Variants in OPCML observed in about 807,000 individuals in gnomAD.
The protein encoded by OPCML is opioid binding protein/cell adhesion molecule like, also known as opioid-binding protein/cell adhesion molecule.
OPCML carries 13 observed loss-of-function variants against 37.8 expected under a neutral mutation model. That is an observed-to-expected ratio of 0.34 (90% CI 0.22 to 0.55). The LOEUF (loss-of-function observed/expected upper bound fraction) is 0.55. Ranked by LOEUF, OPCML falls within the 20% of genes least tolerant of loss-of-function variation. The pLI, the probability that OPCML is intolerant of heterozygous loss-of-function variation, is 0.91. For synonymous variants in OPCML, 176 were observed against 168.8 expected, an observed-to-expected ratio of 1.04 and a Z score of -0.33; for missense variants, 341 against 435.6, an observed-to-expected ratio of 0.78 and a Z score of 1.93.
chr11:132,726,409 C>A (rs1944886702), intron 2 of OPCML, among the ~76,000 whole-genome samples: 1 of 152,074 alleles, frequency 6.6e-6, no homozygotes, highest in Non-Finnish European at 1.5e-5. Context: ...ATGGGAAAGA[C>A]CTGATCCCAT....
At chr11:133,020,862 T>G (rs866587492) in intron 1 of OPCML, among the ~76,000 whole-genome samples, 4 of 152,188 alleles carry the variant, frequency 2.6e-5, no homozygotes, top group African/African-American at 9.6e-5. Flanking sequence ...TTTTTTTCTA[T>G]GTTTTTTGGA....
intron 2 of OPCML, among the ~76,000 whole-genome samples, chr11:132,846,901 C>T (rs1941564247): frequency 6.6e-6 from 1 of 152,130 alleles, no homozygotes; most frequent in South Asian, 2.1e-4. Context: ...TTGAGATCCA[C>T]ATGATAAACT....
At chr11:132,980,877 C>T (rs1457387310) in intron 1 of OPCML, among the ~76,000 whole-genome samples, 7 of 152,180 alleles carry the variant, frequency 4.6e-5, no homozygotes, top group East Asian at 1.9e-4. Flanking sequence ...CATACAGTCC[C>T]GTGTCACTTA....
chr11:133,185,166 C>T (rs1158923466), intron 1 of OPCML, among the ~76,000 whole-genome samples: 4 of 152,188 alleles, frequency 2.6e-5, no homozygotes, highest in Non-Finnish European at 5.9e-5. Context: ...GTCAATCTAT[C>T]AATCACTGTA....
At chr11:132,534,375 C>T (rs750258135) in intron 3 of OPCML, among the ~76,000 whole-genome samples, 6 of 152,186 alleles carry the variant, frequency 3.9e-5, no homozygotes, top group Non-Finnish European at 8.8e-5. Context: ...CACTACACTC[C>T]CAGTAATTAG....
At chr11:133,267,447 C>T (rs1941694933) in intron 1 of OPCML, among the ~76,000 whole-genome samples, 1 of 152,156 alleles carries the variant, frequency 6.6e-6, no homozygotes, top group African/African-American at 2.4e-5. Context: ...CCTTGCATAT[C>T]TACTGTGAAG....
intron 2 of OPCML, among the ~76,000 whole-genome samples, chr11:132,723,564 T>A (rs969843339): frequency 6.6e-6 from 1 of 152,166 alleles, no homozygotes; most frequent in Non-Finnish European, 1.5e-5. Context: ...GATTTTTTTT[T>A]AATGAAACGT....
intron 1 of OPCML, among the ~76,000 whole-genome samples, chr11:133,028,210 T>A (rs945487044): frequency 2.6e-5 from 4 of 151,990 alleles, no homozygotes; most frequent in African/African-American, 4.8e-5. Context: ...GAGTCTAATT[T>A]CTCAGAATTG....
intron 1 of OPCML, among the ~76,000 whole-genome samples, chr11:133,036,819 G>A (rs1163827314): frequency 6.6e-6 from 1 of 152,176 alleles, no homozygotes; most frequent in Non-Finnish European, 1.5e-5. Flanking sequence ...GAATGGGAGG[G>A]CAGCCTGGTT....
chr11:133,051,058 T>TACAC (rs113538759), intron 1 of OPCML, among the ~76,000 whole-genome samples: 3,116 of 148,034 alleles, frequency 0.021, 68 homozygotes, highest in African/African-American at 0.049. Flanking sequence ...TGTGTGTACA[T>TACAC]ACACACACAC....
chr11:133,311,248 A>AT (rs1204416842), intron 1 of OPCML, among the ~76,000 whole-genome samples: 3 of 152,172 alleles, frequency 2.0e-5, no homozygotes, highest in African/African-American at 7.2e-5. Flanking sequence ...ATTTTCCTTG[A>AT]AGCTCTTCTA....
chr11:132,552,494 ATTGT>A (rs1250134751), intron 3 of OPCML, among the ~76,000 whole-genome samples: 1 of 151,982 alleles, frequency 6.6e-6, no homozygotes, highest in Non-Finnish European at 1.5e-5. Flanking sequence ...TTCTGTTGTT[ATTGT>A]TTGTTTGTTT....
intron 2 of OPCML, among the ~76,000 whole-genome samples, chr11:132,775,211 G>A (rs934810213): frequency 1.3e-5 from 2 of 152,200 alleles, no homozygotes; most frequent in African/African-American, 4.8e-5. Context: ...GACTATGGTA[G>A]CTGGAGCATA....
Position 133,040,013 on chromosome 11 carries a change from C to T in OPCML, c.62-97003G>A, listed in dbSNP as rs59680751. On this transcript the variant is annotated intron_variant, in intron 1 of 7. Transcript: ENST00000524381. Reference sequence around the variant, plus strand: ...CACTGCACTACAGCCTGAGTGACAGCACGAGACTCCATCTCAAAAAAAAAA... The same window carrying T: ...CACTGCACTACAGCCTGAGTGACAGTACGAGACTCCATCTCAAAAAAAAAA... 3.3e-3 allele frequency among the ~76,000 whole-genome samples: 494 copies of T among 151,468 alleles called. 4 individuals carry two copies. The highest frequency in any genetic ancestry group is 0.011 in the African/African-American group (473 of 41,224).
chr11:132,585,630 T>G (rs1046493089), intron 3 of OPCML, among the ~76,000 whole-genome samples: 3 of 152,148 alleles, frequency 2.0e-5, no homozygotes, highest in Non-Finnish European at 2.9e-5. Flanking sequence ...TAAGTGTCAC[T>G]AAGGATGGGT....
At chr11:133,326,630 T>A (rs1943466039) in intron 1 of OPCML, among the ~76,000 whole-genome samples, 1 of 102,898 alleles carries the variant, frequency 9.7e-6, no homozygotes, top group Non-Finnish European at 1.9e-5. Context: ...TGTGGGTGGG[T>A]GTATGTGGGT....
At chr11:133,082,096 AC>A (rs1179367601) in intron 1 of OPCML, among the ~76,000 whole-genome samples, 5 of 151,692 alleles carry the variant, frequency 3.3e-5, no homozygotes, top group African/African-American at 1.2e-4. Context: ...GCCGGGGGTG[AC>A]CCGGGCCCAG....
intron 2 of OPCML, among the ~76,000 whole-genome samples, chr11:132,879,981 C>T (rs1005238829): frequency 6.6e-6 from 1 of 152,190 alleles, no homozygotes; most frequent in Non-Finnish European, 1.5e-5. Context: ...TTCTTGTCTT[C>T]AATTAACCTT....
At chr11:132,899,183 G>C (rs1222319082) in intron 2 of OPCML, among the ~76,000 whole-genome samples, 1 of 152,210 alleles carries the variant, frequency 6.6e-6, no homozygotes, top group Non-Finnish European at 1.5e-5. Flanking sequence ...AGAATGGGTA[G>C]TGGAAGGCAG....
Sources: gnomAD v4.1 joint callset for allele counts (sites outside exome capture counted in the v4.1 genomes callset) on GRCh38, gnomAD v4.1.1 for gene constraint, MANE v1.5 for transcripts, NCBI Gene and HGNC (gene_info 2026-07-23, HGNC 2026-07-21) for gene names.